Variants in RPS6KA2 observed in about 807,000 individuals in gnomAD.
RPS6KA2 encodes the protein ribosomal protein S6 kinase A2.
A neutral mutation model predicts 91.8 loss-of-function variants in RPS6KA2; 42 were observed. The observed-to-expected ratio is 0.46, with a 90% CI of 0.36 to 0.59. The LOEUF (loss-of-function observed/expected upper bound fraction) is 0.59, where lower values mean the gene tolerates loss of function less well. RPS6KA2 is among the 20% of genes least tolerant of loss of function. The pLI, the probability that RPS6KA2 is intolerant of heterozygous loss-of-function variation, is 0.00. For synonymous variants in RPS6KA2, 414 were observed against 393.6 expected, an observed-to-expected ratio of 1.05 and a Z score of -0.61; for missense variants, 798 against 978.5, an observed-to-expected ratio of 0.82 and a Z score of 2.46.
intron 2 of RPS6KA2, among the ~76,000 whole-genome samples, chr6:166,742,026 G>C (rs1255203424): frequency 5.9e-5 from 9 of 152,180 alleles, no homozygotes; most frequent in Non-Finnish European, 8.8e-5. Context: ...TACTCAGAAG[G>C]CTGAGGCAGG....
chr6:166,725,550 T>C (rs933110295), intron 2 of RPS6KA2, among the ~76,000 whole-genome samples: 1 of 152,146 alleles, frequency 6.6e-6, no homozygotes, highest in Non-Finnish European at 1.5e-5. Context: ...GGAGCATCCC[T>C]GGGAGCCACC....
chr6:166,755,307 G>C (rs1777975438), intron 2 of RPS6KA2, among the ~76,000 whole-genome samples: 1 of 151,932 alleles, frequency 6.6e-6, no homozygotes, highest in Non-Finnish European at 1.5e-5. Flanking sequence ...CTACAACCCC[G>C]GGCATGGCAA....
intron 1 of RPS6KA2, among the ~76,000 whole-genome samples, chr6:166,569,241 C>G (rs1562585624): frequency 6.6e-6 from 1 of 152,226 alleles, no homozygotes; most frequent in Non-Finnish European, 1.5e-5. Context: ...GAGACTGGCC[C>G]TGGTTTGGCC....
chr6:166,837,289 G>T (rs757009463), intron 2 of RPS6KA2, among the ~76,000 whole-genome samples: 7 of 152,086 alleles, frequency 4.6e-5, no homozygotes, highest in Non-Finnish European at 1.0e-4. Flanking sequence ...GGGGTGGAAG[G>T]CTCGGCCGCT....
At chr6:166,489,059 C>T (rs1022517657) in intron 9 of RPS6KA2, 138 bp from the exon 10 acceptor site, 4 of 626,698 alleles carry the variant, frequency 6.4e-6, no homozygotes, top group African/African-American at 5.5e-5. Context: ...GTCTTAGGAC[C>T]CTTTTATGCT....
rs2128623253 is a variant in RPS6KA2, at chr6:166,821,352, G to T, written c.123+36848C>A. Reference sequence around the variant, plus strand: ...GGGAGGGGCCTGGTTGTCCTCTTTGGGTGGCTTAGCAGCTCAGGCCCTGTG... The same window carrying T: ...GGGAGGGGCCTGGTTGTCCTCTTTGTGTGGCTTAGCAGCTCAGGCCCTGTG... On this transcript the variant is annotated intron_variant, in intron 2 of 21. Coordinates refer to the RPS6KA2 transcript ENST00000503859. This position sits in a 1 kb window ranked among gnomAD's most constrained non-coding sequence, Gnocchi z 4.1. Among the ~76,000 whole-genome samples the T allele has an allele frequency of 6.6e-6, 1 of 152,192 alleles. No individual in the cohort carries two copies. The highest frequency in any genetic ancestry group is 2.1e-4 in the South Asian group (1 of 4,820).
chr6:166,856,268 T>C (rs1780901229), intron 2 of RPS6KA2, among the ~76,000 whole-genome samples: 1 of 152,162 alleles, frequency 6.6e-6, no homozygotes, highest in African/African-American at 2.4e-5. Context: ...GGTGGACTTC[T>C]CATGAATGGG....
At chr6:166,746,976 T>G (rs1484160995) in intron 2 of RPS6KA2, among the ~76,000 whole-genome samples, 1 of 152,082 alleles carries the variant, frequency 6.6e-6, no homozygotes, top group Non-Finnish European at 1.5e-5. Context: ...TGGGGAAGGG[T>G]GTGGAGCTTC....
At position 166,825,356 on chromosome 6, in the gene RPS6KA2, TTCCCAGGTAAC is replaced by T. The variant is rs1242777933; in HGVS notation, c.123+32833_123+32843del. On this transcript the variant is annotated intron_variant, in intron 2 of 21. Transcript: ENST00000503859. This position sits in a 1 kb window ranked among gnomAD's most constrained non-coding sequence, Gnocchi z 4.1. ...TGAAGAGAATAACTTTAACCTCTCATTCCCAGGTAACGCCTGGAGTTGAGGAAGAACTCGGG... is the reference window on the plus strand; with the variant it reads ...TGAAGAGAATAACTTTAACCTCTCATGCCTGGAGTTGAGGAAGAACTCGGG... 6.6e-6 allele frequency among the ~76,000 whole-genome samples: 1 copy of T among 152,172 alleles called. No individual in the cohort carries two copies. The highest frequency in any genetic ancestry group is 2.4e-5 in the African/African-American group (1 of 41,438).
Position 166,821,803 on chromosome 6 carries a change from T to C in RPS6KA2, c.123+36397A>G, listed in dbSNP as rs1340906653. 6.6e-6 allele frequency among the ~76,000 whole-genome samples: 1 copy of C among 152,136 alleles called. No homozygotes were observed. Among genetic ancestry groups the C allele is most frequent in the East Asian group, 1.9e-4 (1 of 5,184 alleles). ...CTCCTAAGGCCGCCTACTTGCCCTC[T>C]CCACCTGTCTATTCACAGGCATACT... On this transcript the variant is annotated intron_variant, in intron 2 of 21. Coordinates refer to the RPS6KA2 transcript ENST00000503859. The surrounding 1 kb of genome is among the most constrained non-coding windows in gnomAD (Gnocchi z 4.1).
At chr6:166,790,650 C>T (rs913218941) in intron 2 of RPS6KA2, among the ~76,000 whole-genome samples, 221 of 152,320 alleles carry the variant, frequency 1.5e-3, no homozygotes, top group African/African-American at 5.1e-3. Context: ...GCCCATCATA[C>T]TAACAGCGGA....
rs1784410267 is a variant in RPS6KA2, at chr6:166,563,656, C to G, written c.100-24872G>C. 6.6e-6 allele frequency among the ~76,000 whole-genome samples: 1 copy of G among 150,858 alleles called. No homozygotes were observed. Among genetic ancestry groups the G allele is most frequent in the African/African-American group, 2.4e-5 (1 of 41,208 alleles). ...TCCCACCCCAGGCAGATCTTGTGGG[C>G]AAGGTATCTGCTTAAAGACATTGAT... On this transcript the variant is annotated intron_variant, in intron 1 of 20. Coordinates refer to ENST00000265678, the MANE Select transcript of RPS6KA2 (RefSeq NM_021135.6). The surrounding 1 kb of genome is among the most constrained non-coding windows in gnomAD (Gnocchi z 4.1).
intron 2 of RPS6KA2, among the ~76,000 whole-genome samples, chr6:166,747,652 A>G (rs1174400743): frequency 6.6e-6 from 1 of 152,184 alleles, no homozygotes; most frequent in Non-Finnish European, 1.5e-5. Context: ...CTGAGTGAGG[A>G]AAACAGAGAG....
At chr6:166,814,043 G>A (rs1164896413) in intron 2 of RPS6KA2, among the ~76,000 whole-genome samples, 2 of 152,150 alleles carry the variant, frequency 1.3e-5, no homozygotes, top group African/African-American at 4.8e-5. Context: ...ACCCCATATT[G>A]TTGGTACGCA....
chr6:166,684,109 C>T (rs1788928142), intron 2 of RPS6KA2, among the ~76,000 whole-genome samples: 1 of 152,178 alleles, frequency 6.6e-6, no homozygotes, highest in Non-Finnish European at 1.5e-5. Context: ...GGCCCAACCT[C>T]CCCAGTGAGG....
rs113764330 is a variant in RPS6KA2, at chr6:166,662,293, G to A, written c.124-123509C>T. 2.0e-5 allele frequency among the ~76,000 whole-genome samples: 3 copies of A among 152,172 alleles called. No individual in the cohort carries two copies. Among genetic ancestry groups the A allele is most frequent in the African/African-American group, 7.2e-5 (3 of 41,516 alleles). ...CATTGTAAGATTTGGCTGCTATTAC[G>A]GGGTGACAGTCTTTTCAGTAAGGTA... On this transcript the variant is annotated intron_variant, in intron 2 of 21. Coordinates refer to the RPS6KA2 transcript ENST00000503859. This position sits in a 1 kb window ranked among gnomAD's most constrained non-coding sequence, Gnocchi z 4.3.
intron 2 of RPS6KA2, among the ~76,000 whole-genome samples, chr6:166,717,848 T>C (rs1790055824): frequency 7.1e-6 from 1 of 141,806 alleles, no homozygotes; most frequent in Admixed American, 6.9e-5. Flanking sequence ...TTTTCTTCTT[T>C]TCTTTCTTTT....
At chr6:166,621,091 T>C (rs890401219) in intron 1 of RPS6KA2, among the ~76,000 whole-genome samples, 6 of 152,218 alleles carry the variant, frequency 3.9e-5, no homozygotes, top group Admixed American at 3.9e-4. Flanking sequence ...TAGGGAGCAT[T>C]CGCCGAATGG....
rs991789148 is a variant in RPS6KA2, at chr6:166,811,345, T to C, written c.123+46855A>G. On this transcript the variant is annotated intron_variant, in intron 2 of 21. Transcript: ENST00000503859. ...TTATTTTCTTGGCTGTGTTTTCAAATTGTTGTCATGTTTATCCTAAGGTCA... is the reference window on the plus strand; with the variant it reads ...TTATTTTCTTGGCTGTGTTTTCAAACTGTTGTCATGTTTATCCTAAGGTCA... Among the ~76,000 whole-genome samples, 4 of 152,214 alleles carry C rather than the reference T, an allele frequency of 2.6e-5. No individual in the cohort carries two copies. In the East Asian group the frequency reaches 7.7e-4, roughly 29 times the overall value.
Sources: allele counts gnomAD v4.1 joint callset (sites outside exome capture counted in the v4.1 genomes callset), GRCh38; gene constraint gnomAD v4.1.1; non-coding constraint Gnocchi (gnomAD v3.1); transcripts MANE v1.5; gene names NCBI Gene and HGNC (gene_info 2026-07-23, HGNC 2026-07-21).